The following RYR2 variants were observed in gnomAD, a reference collection of about 807,000 sequenced individuals.
RYR2 encodes ryanodine receptor 2, also known as cardiac muscle ryanodine receptor-calcium release channel.
Under a neutral mutation model 601.1 loss-of-function variants are expected in RYR2, and 227 were observed. The ratio of observed to expected loss-of-function variants is 0.38; its 90% CI spans 0.34 to 0.42. RYR2 has a LOEUF of 0.42. RYR2 is among the 10% of genes least tolerant of loss of function. The pLI is 1.00. For missense variants in RYR2, 4,646 were observed against 6,156.5 expected, an observed-to-expected ratio of 0.75 and a Z score of 8.21; for synonymous variants, 2,223 against 2,175.1, an observed-to-expected ratio of 1.02 and a Z score of -0.61.
At chr1:237,207,065 C>G (rs535365149) in intron 1 of RYR2, among the ~76,000 whole-genome samples, 2 of 151,984 alleles carry the variant, frequency 1.3e-5, no homozygotes, top group Admixed American at 1.3e-4. Context: ...TGCCCGTAAT[C>G]CCAGCACATT....
At chr1:237,247,748 C>T (rs1055504107) in intron 1 of RYR2, among the ~76,000 whole-genome samples, 5 of 151,960 alleles carry the variant, frequency 3.3e-5, no homozygotes, top group African/African-American at 1.2e-4. Context: ...AACCTTGTGG[C>T]AATGAAGGAA....
chr1:237,322,028 TA>T (rs1392367598), intron 2 of RYR2, among the ~76,000 whole-genome samples: 1 of 152,204 alleles, frequency 6.6e-6, no homozygotes, highest in Non-Finnish European at 1.5e-5. Flanking sequence ...CCTAGCAATT[TA>T]ATTTTATTAA....
At chr1:237,212,533 T>G (rs2149099158) in intron 1 of RYR2, among the ~76,000 whole-genome samples, 1 of 152,206 alleles carries the variant, frequency 6.6e-6, no homozygotes, top group East Asian at 1.9e-4. Flanking sequence ...TGAGCCCAGG[T>G]GTTGGAGGCT....
intron 2 of RYR2, among the ~76,000 whole-genome samples, chr1:237,308,391 G>A (rs12727992): frequency 0.34 from 51,175 of 151,916 alleles, 8,861 homozygotes; most frequent in South Asian, 0.5. Flanking sequence ...ACCACTGTAC[G>A]TTCTTAATAA....
intron 43 of RYR2, among the ~76,000 whole-genome samples, chr1:237,634,445 G>A (rs1163436307): frequency 6.6e-6 from 1 of 152,108 alleles, no homozygotes; most frequent in Admixed American, 6.5e-5. Flanking sequence ...GTAGAATGAG[G>A]TTACCAGGTG....
At chr1:237,405,553 A>T (rs567079325) in intron 10 of RYR2, among the ~76,000 whole-genome samples, 1 of 152,208 alleles carries the variant, frequency 6.6e-6, no homozygotes, top group Non-Finnish European at 1.5e-5. Context: ...CAATTCAAAT[A>T]TATCAACCTT....
Position 237,764,784 on chromosome 1 carries a change from A to G in RYR2, c.11476+3756A>G, listed in dbSNP as rs564014739. On this transcript the variant is annotated intron_variant, in intron 84 of 104. Coordinates refer to ENST00000366574, the MANE Select transcript of RYR2 (RefSeq NM_001035.3). Reference sequence around the variant, plus strand: ...ATTGTTCTTTGTCCCTTTCCGGGACACAAATCTCTTGCCAAATTTTGCATT... The same window carrying G: ...ATTGTTCTTTGTCCCTTTCCGGGACGCAAATCTCTTGCCAAATTTTGCATT... Among the ~76,000 whole-genome samples, 18 of 152,244 alleles carry G rather than the reference A, an allele frequency of 1.2e-4. No individual in the cohort carries two copies. In the East Asian group the frequency reaches 3.3e-3, roughly 28 times the overall value.
At chr1:237,769,420 TA>T (rs987535608) in intron 84 of RYR2, among the ~76,000 whole-genome samples, 2 of 152,180 alleles carry the variant, frequency 1.3e-5, no homozygotes, top group Non-Finnish European at 1.5e-5. Context: ...CTATAACACT[TA>T]AACTTGCCAC....
intron 63 of RYR2, among the ~76,000 whole-genome samples, chr1:237,694,020 T>A (rs768348292): frequency 6.6e-6 from 1 of 152,010 alleles, no homozygotes; most frequent in Non-Finnish European, 1.5e-5. Context: ...ATTGGCCGGG[T>A]GCGGTGGCTC....
chr1:237,659,471 T>C (rs1352927960), intron 54 of RYR2, among the ~76,000 whole-genome samples: 1 of 152,150 alleles, frequency 6.6e-6, no homozygotes, highest in Non-Finnish European at 1.5e-5. Flanking sequence ...GAAAATTTGA[T>C]GAAAGAATGG....
At chr1:237,098,266 T>G (rs181359206) in intron 1 of RYR2, among the ~76,000 whole-genome samples, 10 of 152,332 alleles carry the variant, frequency 6.6e-5, no homozygotes, top group Admixed American at 6.5e-4. Flanking sequence ...GAGGTATAAT[T>G]GACAATTAAA....
chr1:237,628,978 T>C (rs770990829), intron 41 of RYR2, among the ~76,000 whole-genome samples: 5 of 152,150 alleles, frequency 3.3e-5, no homozygotes, highest in Non-Finnish European at 5.9e-5. Flanking sequence ...TAACACCCCA[T>C]ATTCAAGAGT....
intron 95 of RYR2, among the ~76,000 whole-genome samples, chr1:237,794,708 T>A (rs1658885078): frequency 6.6e-6 from 1 of 152,240 alleles, no homozygotes; most frequent in South Asian, 2.1e-4. Context: ...GCTAATGGGT[T>A]CCGAGTTGTC....
rs1308165341 is a variant in RYR2, at chr1:237,593,595, A to C, written c.4395A>C (p.Val1465=). The C allele has an allele frequency of 3.7e-6, 6 of 1,613,946 alleles. No homozygotes were observed. The highest frequency in any genetic ancestry group is 3.3e-4 in the Middle Eastern group (2 of 6,060). Reference sequence around the variant, plus strand: ...TTGACTTGGACAGAGTTCGCACAGTAACAGTTACTCTAGGAGATGAAAAAG... The same window carrying C: ...TTGACTTGGACAGAGTTCGCACAGTCACAGTTACTCTAGGAGATGAAAAAG... ...TGFDLDRVRT[V]TVTLGDEKGK... Residue 1465 remains valine (V), a synonymous_variant, in exon 33 of 105, where the codon GTA becomes GTC. Coordinates refer to ENST00000366574, the MANE Select transcript of RYR2 (RefSeq NM_001035.3).
intron 17 of RYR2, among the ~76,000 whole-genome samples, chr1:237,480,415 A>G (rs1021411290): frequency 1.3e-5 from 2 of 151,008 alleles, no homozygotes; most frequent in African/African-American, 4.9e-5. Context: ...ATCTTGAAGT[A>G]TTAATGATTT....
intron 44 of RYR2, 134 bp from the exon 45 acceptor site, chr1:237,638,223 T>C: frequency 9.3e-7 from 1 of 1,071,270 alleles, no homozygotes; most frequent in Non-Finnish European, 1.4e-6. Context: ...TAGATTATCA[T>C]GAGAGCAAAA....
intron 98 of RYR2, among the ~76,000 whole-genome samples, chr1:237,805,111 C>G (rs1306955534): frequency 6.6e-6 from 1 of 152,222 alleles, no homozygotes; most frequent in Non-Finnish European, 1.5e-5. Flanking sequence ...GTTGAGAAAG[C>G]CTGCTGCGGA....
intron 10 of RYR2, among the ~76,000 whole-genome samples, chr1:237,393,979 A>G (rs981383702): frequency 3.3e-5 from 5 of 152,252 alleles, no homozygotes; most frequent in Non-Finnish European, 7.3e-5. Context: ...ATGAAAAACA[A>G]TGAGACATTT....
At chr1:237,540,907 G>GTC (rs1669187706) in intron 25 of RYR2, among the ~76,000 whole-genome samples, 1 of 124,316 alleles carries the variant, frequency 8.0e-6, no homozygotes, top group Admixed American at 8.1e-5. Flanking sequence ...ATGCATGTGT[G>GTC]TGTGTATATA....
Sources: allele counts gnomAD v4.1 joint callset (sites outside exome capture counted in the v4.1 genomes callset), GRCh38; gene constraint gnomAD v4.1.1; transcripts MANE v1.5; gene names NCBI Gene and HGNC (gene_info 2026-07-23, HGNC 2026-07-21).